USP42: variants seen among roughly 807,000 people sequenced by gnomAD.
USP42 encodes the protein ubiquitin specific peptidase 42.
USP42 carries 23 observed loss-of-function variants against 113.0 expected under a neutral mutation model. The observed-to-expected ratio is 0.20, with a 90% CI of 0.15 to 0.29. The LOEUF (loss-of-function observed/expected upper bound fraction) is 0.29. Ranked by LOEUF, USP42 falls within the 10% of genes least tolerant of loss-of-function variation. The pLI is 1.00. For synonymous variants in USP42, 933 were observed against 699.0 expected (o/e 1.33, Z -5.28); for missense variants, 2,174 against 1,779.8 (o/e 1.22, Z -3.99).
At chr7:6,148,167 G>A (rs530138731) in intron 12 of USP42, among the ~76,000 whole-genome samples, 26 of 152,182 alleles carry the variant, frequency 1.7e-4, no homozygotes, top group Admixed American at 6.5e-4. Context: ...GTGAAACCCC[G>A]TCTCCACAAA....
intron 3 of USP42, among the ~76,000 whole-genome samples, chr7:6,133,743 C>G (rs1402697260): frequency 1.3e-5 from 2 of 152,082 alleles, no homozygotes; most frequent in Non-Finnish European, 2.9e-5. Context: ...TGGTGTCAAA[C>G]TCCTGGGCTC....
At chr7:6,100,704 C>T (rs1480976948), upstream of USP42, among the ~76,000 whole-genome samples, 2 of 130,522 alleles carry the variant, frequency 1.5e-5, no homozygotes, top group Non-Finnish European at 3.1e-5. Flanking sequence ...TTTTTTGAGA[C>T]GGGAGTCTCG....
chr7:6,151,160 G>A (rs1237530939), intron 14 of USP42, among the ~76,000 whole-genome samples: 1 of 152,268 alleles, frequency 6.6e-6, no homozygotes, highest in Admixed American at 6.5e-5. Context: ...TACCATGAAT[G>A]GAGCTGGCAG....
chr7:6,151,875 C>G (rs1207362181), intron 14 of USP42, among the ~76,000 whole-genome samples: 2 of 152,176 alleles, frequency 1.3e-5, no homozygotes, highest in Non-Finnish European at 2.9e-5. Flanking sequence ...TGCCCTTGGA[C>G]TGTTACAGTG....
At chr7:6,143,764 G>C (rs902254368) in intron 8 of USP42, among the ~76,000 whole-genome samples, 1 of 151,916 alleles carries the variant, frequency 6.6e-6, no homozygotes, top group Non-Finnish European at 1.5e-5. Flanking sequence ...AATTATACCA[G>C]TCTGAACATG....
intron 1 of USP42, among the ~76,000 whole-genome samples, chr7:6,108,127 C>T (rs1395920228): frequency 2.0e-5 from 3 of 152,132 alleles, no homozygotes; most frequent in Admixed American, 2.0e-4. Flanking sequence ...GAGAAGGTTG[C>T]AGTGAGCTGT....
At chr7:6,092,076 C>CTTTCTTCTTCTTCTTTCT in the USP42 span, among the ~76,000 whole-genome samples, 8 of 23,814 alleles carry the variant, frequency 3.4e-4, 1 homozygote, top group Non-Finnish European at 5.2e-4. Context: ...CTTCTTCTTC[C>CTTTCTTCTTCTTCTTTCT]TCTTCCTCTT....
Position 6,157,414 on chromosome 7 carries a change from T to C in USP42, c.3943+359T>C, listed in dbSNP as rs10255918. On this transcript the variant is annotated intron_variant, in intron 16 of 17. Transcript: ENST00000306177. The surrounding 1 kb of genome is among the most constrained non-coding windows in gnomAD (Gnocchi z 4.1). ...ATTTTATTTTATTTATTTTATTTTT[T>C]GAGACGGAGTCTTGCTCTATTGCCC... The C allele has an allele frequency of 0.055, 53,726 of 976,456 alleles. 1,861 individuals carry two copies. The highest frequency in any genetic ancestry group is 0.14 in the African/African-American group (8,058 of 57,196). 60.5% of individuals were successfully genotyped at this position (976,456 alleles called of 1,614,324 possible). A position where few individuals can be genotyped will look rare whatever the true frequency, so the allele number is the denominator to read the frequency against.
the USP42 span, among the ~76,000 whole-genome samples, chr7:6,086,791 G>T: frequency 6.7e-6 from 1 of 149,672 alleles, no homozygotes; most frequent in Admixed American, 6.7e-5. Flanking sequence ...CAATGGCGCG[G>T]TCTCAGCTCA....
chr7:6,085,418 C>T, the USP42 span, among the ~76,000 whole-genome samples: 12 of 150,714 alleles, frequency 8.0e-5, no homozygotes, highest in Non-Finnish European at 4.4e-5. Flanking sequence ...GGCCACCGTG[C>T]CCGGCCACCA....
the USP42 span, among the ~76,000 whole-genome samples, chr7:6,099,191 G>A: frequency 1.4e-5 from 2 of 147,040 alleles, no homozygotes; most frequent in Non-Finnish European, 3.0e-5. Context: ...CTAATTGCCT[G>A]GAGCCCCATT....
At chr7:6,101,675 A>C (rs773429246), upstream of USP42, among the ~76,000 whole-genome samples, 59 of 151,028 alleles carry the variant, frequency 3.9e-4, no homozygotes, top group Non-Finnish European at 1.9e-4. Flanking sequence ...AAGGGTCTCT[A>C]TGTTTGCTTT....
chr7:6,084,174 G>A, the USP42 span, among the ~76,000 whole-genome samples: 59 of 150,960 alleles, frequency 3.9e-4, 2 homozygotes, highest in African/African-American at 1.3e-3. Context: ...CTACAGGCAT[G>A]AGCCACCACG....
chr7:6,081,537 A>G, the USP42 span: 1 of 151,988 alleles, frequency 6.6e-6, no homozygotes, highest in East Asian at 1.9e-4. Context: ...GACCCGCCCC[A>G]CCCACGCGCG....
At position 6,111,353 on chromosome 7, in the gene USP42, C is replaced by G. The variant is rs754974003; in HGVS notation, c.220C>G (p.Pro74Ala). 1.2e-5 allele frequency: 19 copies of G among 1,611,688 alleles called. No homozygotes were observed. In the South Asian group the frequency reaches 1.8e-4, roughly 15 times the overall value. ...TTCATCTGTACCTGATAAATCAAAA[C>G]CATCACCACAAAAGGATCAAGGTAC... ...SSSSVPDKSK[P>A]SPQKDQALGD... The change falls in exon 2 of 18, where the codon CCA becomes GCA. Residue 74 changes from proline to alanine, a missense_variant. Pro to Ala is a conservative substitution (Grantham distance 27). Transcript: ENST00000306177.
Position 6,155,179 on chromosome 7 carries a change from C to G in USP42, c.3625C>G (p.Arg1209Gly), listed in dbSNP as rs778773872. Residue 1209 changes from arginine (R) to glycine (G), a missense_variant, in exon 15 of 18, where the codon CGA (arginine) becomes GGA (glycine). Coordinates refer to ENST00000306177, the MANE Select transcript of USP42 (RefSeq NM_032172.3). ...GAAAAAGAAATCCAAAGACAAACAC[C>G]GAGACCGCGACTCCAGGTGAGCCTG... The part of the protein sequence containing the change: ...KKKKKSKDKH[R>G]DRDSRHQQDS... 5.9e-6 allele frequency: 9 copies of G among 1,533,770 alleles called. No homozygotes were observed. Among genetic ancestry groups the G allele is most frequent in the Middle Eastern group, 1.7e-4 (1 of 5,960 alleles).
intron 3 of USP42, among the ~76,000 whole-genome samples, chr7:6,132,335 A>G (rs1373857755): frequency 6.6e-6 from 1 of 151,786 alleles, no homozygotes; most frequent in African/African-American, 2.4e-5. Context: ...ATACATAATG[A>G]TTTTTTGCTT....
chr7:6,108,893 A>C, intron 1 of USP42, among the ~76,000 whole-genome samples: 1 of 152,230 alleles, frequency 6.6e-6, no homozygotes, highest in Middle Eastern at 3.2e-3. Context: ...AGCAAACGCT[A>C]GTTGTTTTCT....
chr7:6,097,141 A>G, the USP42 span, among the ~76,000 whole-genome samples: 2 of 150,920 alleles, frequency 1.3e-5, no homozygotes, highest in African/African-American at 5.0e-5. Context: ...GTTCTGTAAC[A>G]GCATCTCCTG....
Sources: gnomAD v4.1 joint callset for allele counts (sites outside exome capture counted in the v4.1 genomes callset) on GRCh38, gnomAD v4.1.1 for gene constraint, Gnocchi (gnomAD v3.1) non-coding constraint, MANE v1.5 for transcripts, NCBI Gene and HGNC (gene_info 2026-07-23, HGNC 2026-07-21) for gene names.